The following ZNF33B variants were observed in gnomAD, a reference collection of about 807,000 sequenced individuals.
The protein encoded by ZNF33B is zinc finger protein 33B.
A neutral mutation model predicts 45.8 loss-of-function variants in ZNF33B; 29 were observed. That is an observed-to-expected ratio of 0.63 (90% CI 0.47 to 0.86). The LOEUF (loss-of-function observed/expected upper bound fraction) is 0.86. Among genes scored for constraint, ZNF33B ranks in the 40% least tolerant of loss-of-function variants. The probability of loss-of-function intolerance (pLI) is 0.00; values close to 1 mark genes in which losing one functional copy is unlikely to be tolerated. For synonymous variants in ZNF33B, 305 were observed against 307.8 expected (o/e 0.99, Z 0.10); for missense variants, 831 against 909.9 (o/e 0.91, Z 1.12).
chr10:42,581,861 T>A (rs1221169183), intron 1 of ZNF33B: 1 of 152,182 alleles, frequency 6.6e-6, no homozygotes, highest in African/African-American at 2.4e-5. Context: ...ACGCCTGTAA[T>A]CTCAGCACTT....
downstream of ZNF33B, among the ~76,000 whole-genome samples, chr10:42,584,459 C>T (rs1225974021): frequency 2.0e-5 from 3 of 151,970 alleles, no homozygotes; most frequent in South Asian, 4.1e-4. Context: ...CCACAACGTG[C>T]TCACATGGAC....
intron 4 of ZNF33B, among the ~76,000 whole-genome samples, chr10:42,600,716 G>GTA (rs560218936): frequency 6.6e-6 from 1 of 152,070 alleles, no homozygotes; most frequent in East Asian, 1.9e-4. Context: ...TTCAGTAACA[G>GTA]TATATATATG....
rs1839081204 is a variant in ZNF33B, at chr10:42,632,009, T to C, written c.170A>G (p.Lys57Arg). Reference protein sequence around the residue: ...NLVSVGYCAHKPEVIFRLEQG... With the variant: ...NLVSVGYCAHRPEVIFRLEQG... Reference sequence around the variant, plus strand: ...TTCCAGCCTGAAGATCACCTCTGGTTTGTGAGCACAATACCCTGTTAACAG... The same window carrying C: ...TTCCAGCCTGAAGATCACCTCTGGTCTGTGAGCACAATACCCTGTTAACAG... Residue 57 changes from lysine to arginine, a missense_variant, in exon 4 of 5, where the codon AAA (lysine) becomes AGA (arginine). Transcript: ENST00000359467. The C allele has an allele frequency of 6.2e-7, 1 of 1,614,136 alleles. No homozygotes were observed. The highest frequency in any genetic ancestry group is 8.5e-7 in the Non-Finnish European group (1 of 1,180,022).
In ZNF33B at chr10:42,593,642, T is replaced by G; in HGVS notation, c.1308A>C (p.Thr436=). ...SDLTKHQRTH[T]GQKPYECYEC... is the part of the protein sequence containing the mutation. ...CATAACATTCATAGGGTTTCTGCCC[T>G]GTGTGTGTTCTCTGATGTTTAGTGA... The change falls in exon 5 of 5, where the codon ACA becomes ACC. Residue 436 remains threonine (T), a synonymous_variant. Coordinates refer to ENST00000359467, the MANE Select transcript of ZNF33B (RefSeq NM_006955.3). 1 of 1,614,094 alleles carries G rather than the reference T, an allele frequency of 6.2e-7. No individual in the cohort carries two copies. Among genetic ancestry groups the G allele is most frequent in the Non-Finnish European group, 8.5e-7 (1 of 1,179,972 alleles).
intron 1 of ZNF33B, among the ~76,000 whole-genome samples, chr10:42,638,050 G>A (rs999316741): frequency 1.8e-4 from 27 of 152,254 alleles, no homozygotes; most frequent in African/African-American, 6.5e-4. Context: ...TGACTGGAGG[G>A]CAGTTCGAAA....
intron 4 of ZNF33B, among the ~76,000 whole-genome samples, chr10:42,604,182 C>T (rs773801477): frequency 3.9e-5 from 6 of 152,188 alleles, no homozygotes; most frequent in South Asian, 2.1e-4. Flanking sequence ...CAGTGGCTCA[C>T]GCCTGTAATC....
chr10:42,636,175 T>C (rs1839292169), intron 2 of ZNF33B, among the ~76,000 whole-genome samples: 1 of 152,128 alleles, frequency 6.6e-6, no homozygotes, highest in Non-Finnish European at 1.5e-5. Context: ...CATTTTAACT[T>C]ACTGATCAAA....
At chr10:42,597,465 CTTGA>C (rs1459960771) in intron 4 of ZNF33B, among the ~76,000 whole-genome samples, 1 of 151,820 alleles carries the variant, frequency 6.6e-6, no homozygotes, top group African/African-American at 2.4e-5. Context: ...AATATGATAC[CTTGA>C]TTGATCATAA....
At chr10:42,581,321 A>AG in intron 1 of ZNF33B, among the ~76,000 whole-genome samples, 2 of 152,002 alleles carry the variant, frequency 1.3e-5, no homozygotes, top group Admixed American at 6.6e-5. Context: ...AAAATTAGCC[A>AG]GGCGTGGTGG....
At chr10:42,575,752 A>T (rs1355762125) in intron 1 of ZNF33B, among the ~76,000 whole-genome samples, 1 of 140,470 alleles carries the variant, frequency 7.1e-6, no homozygotes, top group Non-Finnish European at 1.5e-5. Context: ...TTTTTTTGAG[A>T]CAGAGTCTCA....
intron 1 of ZNF33B, among the ~76,000 whole-genome samples, chr10:42,581,122 T>C (rs2132013783): frequency 6.6e-6 from 1 of 152,182 alleles, no homozygotes; most frequent in South Asian, 2.1e-4. Context: ...GCAGGCCAAG[T>C]GAAGACGTAT....
downstream of ZNF33B, among the ~76,000 whole-genome samples, chr10:42,586,150 ATTT>A (rs67457246): frequency 9.0e-3 from 1,088 of 121,498 alleles, 5 homozygotes; most frequent in Non-Finnish European, 0.013. Context: ...TTTTCCTCAG[ATTT>A]TTTTTTTTTT....
downstream of ZNF33B, among the ~76,000 whole-genome samples, chr10:42,586,150 A>ATTTTTT (rs67457246): frequency 5.3e-4 from 64 of 121,520 alleles, no homozygotes; most frequent in African/African-American, 1.7e-3. Flanking sequence ...TTTTCCTCAG[A>ATTTTTT]TTTTTTTTTT....
At chr10:42,588,083 G>GTGA (rs56864130), downstream of ZNF33B, among the ~76,000 whole-genome samples, 28,991 of 152,058 alleles carry the variant, frequency 0.19, 4,300 homozygotes, top group African/African-American at 0.41. Context: ...CATGCAGCCA[G>GTGA]TGATAATCAG....
intron 4 of ZNF33B, among the ~76,000 whole-genome samples, chr10:42,611,854 T>C: frequency 6.6e-6 from 1 of 152,232 alleles, no homozygotes; most frequent in Non-Finnish European, 1.5e-5. Flanking sequence ...TTTTGGGAGT[T>C]CTTTAGAATT....
intron 4 of ZNF33B, among the ~76,000 whole-genome samples, chr10:42,624,493 A>G (rs1838717406): frequency 6.6e-6 from 1 of 152,238 alleles, no homozygotes; most frequent in Non-Finnish European, 1.5e-5. Flanking sequence ...CTGAAGCCTC[A>G]GATAGTATTG....
intron 1 of ZNF33B, 110 bp from the exon 2 acceptor site, chr10:42,637,082 C>A: frequency 9.8e-7 from 1 of 1,015,530 alleles, no homozygotes; most frequent in Non-Finnish European, 1.5e-6. Flanking sequence ...AATGCTCCGT[C>A]TGGGAGAATA....
At chr10:42,618,200 T>C (rs1305164863) in intron 4 of ZNF33B, among the ~76,000 whole-genome samples, 1 of 152,166 alleles carries the variant, frequency 6.6e-6, no homozygotes, top group Non-Finnish European at 1.5e-5. Context: ...AGAACAAACA[T>C]GTAAATTTTT....
intron 4 of ZNF33B, among the ~76,000 whole-genome samples, chr10:42,607,245 A>G (rs983376037): frequency 7.9e-5 from 12 of 152,184 alleles, no homozygotes; most frequent in Admixed American, 5.9e-4. Context: ...TAAGTTCTAG[A>G]GCAACCACTA....
Sources: gnomAD v4.1 joint callset for allele counts (sites outside exome capture counted in the v4.1 genomes callset) on GRCh38, gnomAD v4.1.1 for gene constraint, MANE v1.5 for transcripts, NCBI Gene and HGNC (gene_info 2026-07-23, HGNC 2026-07-21) for gene names.